ZNF730: variants seen among roughly 807,000 people sequenced by gnomAD.
ZNF730 encodes the protein zinc finger protein 730.
Under a neutral mutation model 12.6 loss-of-function variants are expected in ZNF730, and 12 were observed. The observed-to-expected ratio is 0.95, with a 90% CI of 0.61 to 1.54. The LOEUF (loss-of-function observed/expected upper bound fraction) is 1.54, where lower values mean the gene tolerates loss of function less well. Among genes scored for constraint, ZNF730 ranks in the 40% most tolerant of loss-of-function variants. The probability of loss-of-function intolerance (pLI) is 0.00; values close to 1 mark genes in which losing one functional copy is unlikely to be tolerated. For missense variants in ZNF730, 643 were observed against 583.5 expected (o/e 1.10, Z -1.05); for synonymous variants, 194 against 195.8 (o/e 0.99, Z 0.08).
chr19:23,102,722 C>T (rs1377237216), intron 1 of ZNF730, among the ~76,000 whole-genome samples: 3 of 152,036 alleles, frequency 2.0e-5, no homozygotes, highest in Admixed American at 1.3e-4. Context: ...TCTCGAGCTC[C>T]GTACTTCAAG....
chr19:23,136,084 T>G, intron 3 of ZNF730, 41 bp downstream of exon 3: 1 of 1,365,502 alleles, frequency 7.3e-7, no homozygotes, highest in Non-Finnish European at 9.7e-7. Flanking sequence ...TGATAAGAGA[T>G]CTATAGTTTA....
intron 1 of ZNF730, among the ~76,000 whole-genome samples, chr19:23,102,813 T>C (rs1970351310): frequency 6.6e-6 from 1 of 152,124 alleles, no homozygotes; most frequent in Admixed American, 6.6e-5. Flanking sequence ...TGGTGGTGAC[T>C]CTCATACCTC....
Position 23,146,498 on chromosome 19 carries a change from G to C in ZNF730, c.1454G>C (p.Cys485Ser). The C allele has an allele frequency of 6.3e-7, 1 of 1,598,464 alleles. No individual in the cohort carries two copies. The highest frequency in any genetic ancestry group is 8.5e-7 in the Non-Finnish European group (1 of 1,173,966). Reference protein sequence around the residue: ...SGEKIYKCKECGKAFRRFSHL... With the variant: ...SGEKIYKCKESGKAFRRFSHL... ...GAAAAAATCTACAAATGTAAAGAAT[G>C]TGGTAAAGCCTTTAGGCGGTTCTCA... The change falls in exon 4 of 4, where the codon TGT becomes TCT. Residue 485 changes from cysteine (C) to serine (S), a missense_variant. By Grantham distance (112) the Cys-to-Ser change is moderately radical. Transcript: ENST00000597761.
chr19:23,113,850 G>A (rs1406808140), upstream of ZNF730, among the ~76,000 whole-genome samples: 2 of 152,056 alleles, frequency 1.3e-5, no homozygotes, highest in Non-Finnish European at 2.9e-5. Context: ...TAAAGTTTTG[G>A]TCTATCAAAA....
At chr19:23,088,266 C>T (rs1171409225) in intron 1 of ZNF730, among the ~76,000 whole-genome samples, 17 of 150,888 alleles carry the variant, frequency 1.1e-4, no homozygotes, top group Non-Finnish European at 2.2e-4. Context: ...GTGATCTGCC[C>T]GCCTTGGCCT....
chr19:23,127,636 C>A (rs1423507654), intron 1 of ZNF730: 4 of 1,108,214 alleles, frequency 3.6e-6, no homozygotes, highest in South Asian at 1.2e-5. Flanking sequence ...GCAATAAACT[C>A]TTTGTGTGAA....
At position 23,093,550 on chromosome 19, in the gene ZNF730, G is replaced by A. The variant is rs1970194182; in HGVS notation, c.-94+18163G>A. 3.9e-5 allele frequency among the ~76,000 whole-genome samples: 6 copies of A among 152,324 alleles called. No individual in the cohort carries two copies. In the South Asian group the frequency reaches 1.2e-3, roughly 32 times the overall value. The stretch of plus-strand genomic sequence containing the variant: ...GCTTCCCCCCCTCATTCTTGGGGGT[G>A]GGGGTGGTGGCAGCTTGATCCCCGG... On this transcript the variant is annotated intron_variant, in intron 1 of 2. Coordinates refer to the ZNF730 transcript ENST00000593635.
At chr19:23,111,870 A>C (rs905807865) in intron 1 of ZNF730, among the ~76,000 whole-genome samples, 1 of 66,254 alleles carries the variant, frequency 1.5e-5, no homozygotes, top group African/African-American at 5.7e-5. Flanking sequence ...TATGTTGGCC[A>C]TTTAAAAATA....
chr19:23,082,513 A>AT lies in ZNF730; in HGVS notation c.-94+7132dup, dbSNP rs1969982077. ...AGGCGCCCGCCTCCATGCCCAGCTA[A>AT]TTTTTTGTATTTCAGTAGAGACAGG... On this transcript the variant is annotated intron_variant, in intron 1 of 2. Coordinates refer to the ZNF730 transcript ENST00000593635. Among the ~76,000 whole-genome samples the AT allele has an allele frequency of 3.3e-5, 5 of 151,644 alleles. No homozygotes were observed. In the South Asian group the frequency reaches 1.0e-3, roughly 32 times the overall value.
rs556123915 is a variant in ZNF730 at position 23,085,836 on chromosome 19, C to CTTTTTTTTTTTTT, written c.-94+10464_-94+10476dup. Among the ~76,000 whole-genome samples the CTTTTTTTTTTTTT allele has an allele frequency of 6.5e-3, 355 of 54,858 alleles. 84 individuals are homozygous for CTTTTTTTTTTTTT. The highest frequency in any genetic ancestry group is 9.1e-3 in the African/African-American group (110 of 12,034). 36.0% of individuals were successfully genotyped at this position (54,858 alleles called of 152,430 possible). A position where few individuals can be genotyped will look rare whatever the true frequency, so the allele number is the denominator to read the frequency against. ...GACCTATTTCACCCAATTTTTTTTTCTTTTTTTTTTTTTTTTTTTTTTTTT... is the reference window on the plus strand; with the variant it reads ...GACCTATTTCACCCAATTTTTTTTTCTTTTTTTTTTTTTTTTTTTTTTTTTTTTTTTTTTTTTT... On this transcript the variant is annotated intron_variant, in intron 1 of 2. Coordinates refer to the ZNF730 transcript ENST00000593635.
chr19:23,133,949 G>T, intron 1 of ZNF730, 131 bp from the exon 2 acceptor site: 2 of 1,033,984 alleles, frequency 1.9e-6, no homozygotes, highest in Non-Finnish European at 1.4e-6. Flanking sequence ...CTGTGTTGAA[G>T]GTTATTAGAT....
intron 2 of ZNF730, among the ~76,000 whole-genome samples, chr19:23,134,485 C>G (rs1340070657): frequency 6.8e-6 from 1 of 147,806 alleles, no homozygotes; most frequent in Non-Finnish European, 1.5e-5. Context: ...GGGGGGCCAG[C>G]CCCCCGCCCG....
chr19:23,146,785 T>G lies in ZNF730; in HGVS notation c.*229T>G. On this transcript the variant is annotated 3_prime_UTR_variant, in exon 4 of 4. Coordinates refer to ENST00000597761, the MANE Select transcript of ZNF730 (RefSeq NM_001277403.2). ...TCACACCTTACTACACATAAGATAA[T>G]TCATACTGGAGAGAAACCCTACAAG... 1.0e-6 allele frequency: 1 copy of G among 999,066 alleles called. No individual in the cohort carries two copies. The highest frequency in any genetic ancestry group is 1.6e-5 in the African/African-American group (1 of 63,338). The allele number at this position is 999,066 out of a possible 1,614,324, so 61.9% of individuals were successfully genotyped here. A position where few individuals can be genotyped will look rare whatever the true frequency, so the allele number is the denominator to read the frequency against.
intron 1 of ZNF730, among the ~76,000 whole-genome samples, chr19:23,096,022 C>G (rs987316873): frequency 6.6e-6 from 1 of 152,070 alleles, no homozygotes; most frequent in African/African-American, 2.4e-5. Flanking sequence ...CTACAAGATA[C>G]GACTCTCTTC....
At chr19:23,120,704 C>T (rs1970588114) in intron 1 of ZNF730, among the ~76,000 whole-genome samples, 1 of 152,028 alleles carries the variant, frequency 6.6e-6, no homozygotes, top group African/African-American at 2.4e-5. Flanking sequence ...GTCTAAATCT[C>T]CATCAGTTCA....
intron 1 of ZNF730, among the ~76,000 whole-genome samples, chr19:23,131,947 G>A (rs1300419731): frequency 6.6e-6 from 1 of 151,940 alleles, no homozygotes; most frequent in Non-Finnish European, 1.5e-5. Context: ...TCTCATCTTT[G>A]CACTAAAGGG....
intron 3 of ZNF730, 39 bp downstream of exon 3, chr19:23,136,082 G>A (rs759676550): frequency 7.3e-7 from 1 of 1,368,642 alleles, no homozygotes; most frequent in Non-Finnish European, 9.6e-7. Flanking sequence ...ACTGATAAGA[G>A]ATCTATAGTT....
chr19:23,134,151 A>G lies in ZNF730; in HGVS notation c.75A>G (p.Gln25=). ...AGTGGCAATGTCTGGACACCGAACA[A>G]CAGAATTTATATAGAAATGTAATGT... ...LEEWQCLDTE[Q]QNLYRNVMLD... The change falls in exon 2 of 4, where the codon CAA becomes CAG. Residue 25 remains glutamine, a synonymous_variant. Coordinates refer to ENST00000597761, the MANE Select transcript of ZNF730 (RefSeq NM_001277403.2). The G allele has an allele frequency of 6.2e-7, 1 of 1,613,168 alleles. No individual in the cohort carries two copies. The highest frequency in any genetic ancestry group is 1.1e-5 in the South Asian group (1 of 90,886).
chr19:23,081,504 G>A (rs778312500), intron 1 of ZNF730, among the ~76,000 whole-genome samples: 1 of 152,068 alleles, frequency 6.6e-6, no homozygotes, highest in Non-Finnish European at 1.5e-5. Context: ...AGTTTTAGTA[G>A]AGATGGGGTT....
Sources: allele counts gnomAD v4.1 joint callset (sites outside exome capture counted in the v4.1 genomes callset), GRCh38; gene constraint gnomAD v4.1.1; transcripts MANE v1.5; gene names NCBI Gene and HGNC (gene_info 2026-07-23, HGNC 2026-07-21).